Variants in UNC13C observed in about 807,000 individuals in gnomAD.
UNC13C encodes unc-13 homolog C, also known as protein unc-13 homolog C.
In UNC13C, 174 loss-of-function variants were observed where a neutral mutation model predicts 245.4. That is an observed-to-expected ratio of 0.71 (90% CI 0.63 to 0.80). The LOEUF (loss-of-function observed/expected upper bound fraction) is 0.80. Ranked by LOEUF, UNC13C falls within the 30% of genes least tolerant of loss-of-function variation. The probability of loss-of-function intolerance (pLI) is 0.00; values close to 1 mark genes in which losing one functional copy is unlikely to be tolerated. For missense variants in UNC13C, 2,829 were observed against 2,602.9 expected, an observed-to-expected ratio of 1.09 and a Z score of -1.89; for synonymous variants, 992 against 895.1, an observed-to-expected ratio of 1.11 and a Z score of -1.93.
intron 2 of UNC13C, among the ~76,000 whole-genome samples, chr15:54,051,086 T>A (rs1276619103): frequency 6.6e-6 from 1 of 152,218 alleles, no homozygotes; most frequent in African/African-American, 2.4e-5. Context: ...ACTCTTTTAT[T>A]GTGATTTTCT....
At chr15:54,385,867 T>C (rs1039676422) in intron 17 of UNC13C, among the ~76,000 whole-genome samples, 2 of 152,096 alleles carry the variant, frequency 1.3e-5, no homozygotes, top group Non-Finnish European at 2.9e-5. Flanking sequence ...GAAAAAAGAA[T>C]GCTCTAAAAC....
chr15:54,238,411 T>A (rs144837646), intron 7 of UNC13C, among the ~76,000 whole-genome samples: 1 of 152,108 alleles, frequency 6.6e-6, no homozygotes. Flanking sequence ...TAGGGTCATA[T>A]GATTACGAGT....
rs1445041691 is a variant in UNC13C at position 54,552,600 on chromosome 15, ATATATAAT to A, written c.5878-2818_5878-2811del. Reference sequence around the variant, plus strand: ...ATTATATTATATTGTACAATATATAATATATAATTATATAATTATATTATATATTGTAC... The same window carrying A: ...ATTATATTATATTGTACAATATATAATATATAATTATATTATATATTGTAC... On this transcript the variant is annotated intron_variant, in intron 28 of 32. Transcript: ENST00000260323. 9.5e-3 allele frequency among the ~76,000 whole-genome samples: 575 copies of A among 60,606 alleles called. 24 individuals carry two copies. The highest frequency in any genetic ancestry group is 0.036 in the African/African-American group (503 of 14,054). 39.8% of individuals were successfully genotyped at this position (60,606 alleles called of 152,430 possible).
upstream of UNC13C, chr15:53,974,778 C>T (rs1268858246): frequency 2.0e-5 from 3 of 150,962 alleles, no homozygotes; most frequent in South Asian, 2.1e-4. Context: ...CATTTATTAT[C>T]TCACAGTTCC....
chr15:54,625,628 A>AGT (rs1901086478), intron 32 of UNC13C, among the ~76,000 whole-genome samples: 1 of 152,074 alleles, frequency 6.6e-6, no homozygotes, highest in Non-Finnish European at 1.5e-5. Flanking sequence ...ACGCCAATAC[A>AGT]CTCTCTTACA....
chr15:53,868,697 C>T, the UNC13C span, among the ~76,000 whole-genome samples: 6 of 152,170 alleles, frequency 3.9e-5, no homozygotes, highest in South Asian at 2.1e-4. Flanking sequence ...ATGACCCATG[C>T]GGTCTGGAGG....
At chr15:54,215,313 TG>T (rs1486972627) in intron 4 of UNC13C, among the ~76,000 whole-genome samples, 1 of 151,992 alleles carries the variant, frequency 6.6e-6, no homozygotes, top group Non-Finnish European at 1.5e-5. Flanking sequence ...TAGGACCATT[TG>T]GTTATTTGTT....
chr15:54,510,871 A>C (rs188927589), intron 23 of UNC13C, among the ~76,000 whole-genome samples: 1 of 152,248 alleles, frequency 6.6e-6, no homozygotes, highest in Admixed American at 6.5e-5. Context: ...AGATTAAATG[A>C]TTCTATAACT....
intron 19 of UNC13C, among the ~76,000 whole-genome samples, chr15:54,441,591 A>G (rs531054205): frequency 2.6e-5 from 4 of 152,212 alleles, no homozygotes; most frequent in African/African-American, 9.6e-5. Flanking sequence ...TTTGTTGACT[A>G]TAGCCTTGTA....
intron 19 of UNC13C, among the ~76,000 whole-genome samples, chr15:54,439,995 G>A (rs1311773287): frequency 6.6e-6 from 1 of 151,858 alleles, no homozygotes; most frequent in Non-Finnish European, 1.5e-5. Context: ...GTTTGGCTGT[G>A]TCCTCACCCA....
At position 54,555,543 on chromosome 15, in the gene UNC13C, G is replaced by A. The variant is rs769206200; in HGVS notation, c.5958+31G>A. The A allele has an allele frequency of 1.6e-5, 25 of 1,543,000 alleles. No individual in the cohort carries two copies. The South Asian group carries it at 1.6e-4, about 10-fold the overall frequency. On this transcript the variant is annotated intron_variant, in intron 29 of 32. Transcript: ENST00000260323. ...ATTATAATGCTCCTATATATACATCGAGAGAGGCCCCCATTTACCTCCAGA... is the reference window on the plus strand; with the variant it reads ...ATTATAATGCTCCTATATATACATCAAGAGAGGCCCCCATTTACCTCCAGA...
intron 8 of UNC13C, among the ~76,000 whole-genome samples, chr15:54,258,888 C>G (rs192480336): frequency 9.8e-4 from 150 of 152,316 alleles, no homozygotes; most frequent in Non-Finnish European, 7.2e-4. Context: ...GGATCTTAGT[C>G]TGTTTCAGCT....
intron 17 of UNC13C, among the ~76,000 whole-genome samples, chr15:54,364,013 G>T (rs1310822676): frequency 6.6e-6 from 1 of 152,064 alleles, no homozygotes; most frequent in African/African-American, 2.4e-5. Flanking sequence ...TTAATTTGGG[G>T]CGAATTACAT....
Position 54,015,185 on chromosome 15 carries a change from G to C in UNC13C, c.2282G>C (p.Arg761Pro). The change falls in exon 2 of 33, where the codon CGA becomes CCA. Residue 761 changes from arginine (R) to proline (P), a missense_variant. Physicochemically the swap from Arg to Pro is moderately radical, Grantham distance 103. Coordinates refer to ENST00000260323, the MANE Select transcript of UNC13C (RefSeq NM_001080534.3). ...QNQNQLSMMY[R>P]SQSELQSDDS... ...CAAAACCAGTTGTCCATGATGTATC[G>C]AAGTCAAAGTGAATTGCAAAGTGAT... The C allele has an allele frequency of 1.2e-6, 2 of 1,612,748 alleles. No homozygotes were observed. The highest frequency in any genetic ancestry group is 1.7e-4 in the Middle Eastern group (1 of 6,060).
At chr15:54,626,241 T>TAA (rs1027755537) in intron 32 of UNC13C, among the ~76,000 whole-genome samples, 1 of 152,132 alleles carries the variant, frequency 6.6e-6, no homozygotes, top group East Asian at 1.9e-4. Context: ...TTGACAGGTC[T>TAA]AACTGTTACC....
chr15:54,572,457 G>A (rs1243525365), intron 30 of UNC13C, among the ~76,000 whole-genome samples: 1 of 120,908 alleles, frequency 8.3e-6, no homozygotes, highest in Non-Finnish European at 1.6e-5. Flanking sequence ...ATGGAGTCTT[G>A]CTCTGTCACC....
intron 17 of UNC13C, among the ~76,000 whole-genome samples, chr15:54,373,094 C>A (rs758092033): frequency 1.3e-5 from 2 of 152,090 alleles, no homozygotes; most frequent in African/African-American, 4.8e-5. Flanking sequence ...AGCAACTGAA[C>A]TTTAGTATGA....
At chr15:53,984,123 A>T (rs1385635843) in intron 1 of UNC13C, among the ~76,000 whole-genome samples, 2 of 152,160 alleles carry the variant, frequency 1.3e-5, no homozygotes, top group East Asian at 1.9e-4. Flanking sequence ...TGAACATGAC[A>T]TATGTCACTC....
chr15:53,926,580 C>T, the UNC13C span, among the ~76,000 whole-genome samples: 126 of 152,232 alleles, frequency 8.3e-4, no homozygotes, highest in African/African-American at 3.0e-3. Flanking sequence ...GATAAGGATA[C>T]AGGACACAGT....
Sources: gnomAD v4.1 joint callset for allele counts (sites outside exome capture counted in the v4.1 genomes callset) on GRCh38, gnomAD v4.1.1 for gene constraint, MANE v1.5 for transcripts, NCBI Gene and HGNC (gene_info 2026-07-23, HGNC 2026-07-21) for gene names.